Variants in BTG4 observed in about 807,000 individuals in gnomAD.
BTG4 encodes BTG anti-proliferation factor 4, also known as protein BTG4.
In BTG4, 10 loss-of-function variants were observed where a neutral mutation model predicts 19.3. The observed-to-expected ratio is 0.52, with a 90% confidence interval of 0.32 to 0.88. BTG4 has a LOEUF of 0.88. Ranked by LOEUF, BTG4 falls within the 40% of genes least tolerant of loss-of-function variation. The pLI is 0.04. For synonymous variants in BTG4, 91 were observed against 95.7 expected (o/e 0.95, Z 0.29); for missense variants, 238 against 281.9 (o/e 0.84, Z 1.11).
At chr11:111,461,207 G>T in the BTG4 span, among the ~76,000 whole-genome samples, 1 of 152,120 alleles carries the variant, frequency 6.6e-6, no homozygotes, top group East Asian at 1.9e-4. Context: ...TGTGATAAAA[G>T]GTATGTGATA....
intron 1 of BTG4, among the ~76,000 whole-genome samples, chr11:111,500,110 C>A (rs1172231612): frequency 6.6e-6 from 1 of 151,734 alleles, no homozygotes; most frequent in Non-Finnish European, 1.5e-5. Context: ...CCACTGCACT[C>A]CAGACTGGGT....
chr11:111,453,541 T>A, the BTG4 span: 1,986 of 456,592 alleles, frequency 4.3e-3, 30 homozygotes, highest in South Asian at 0.021. Context: ...GAGAGGCCGA[T>A]CTCACCAAGA....
rs1044746283 is a variant in BTG4 at position 111,495,257 on chromosome 11, C to T, written c.568G>A (p.Val190Met). ...AGGAGGCCAACACGGCCGTCCACCA[C>T]ATTCTTTTTGCGGGGGATTTGTAAC... is the stretch of plus-strand genomic sequence containing the variant. The part of the protein sequence containing the change: ...SWLQIPRKKN[V>M]VDGRVGLLGN... Residue 190 changes from valine to methionine, a missense_variant, in exon 5 of 5, where the codon GTG (valine) becomes ATG (methionine). Val to Met is a conservative substitution (Grantham distance 21). Transcript: ENST00000692032. 6.2e-7 allele frequency: 1 copy of T among 1,611,742 alleles called. No individual in the cohort carries two copies. Among genetic ancestry groups the T allele is most frequent in the East Asian group, 2.2e-5 (1 of 44,810 alleles).
chr11:111,454,433 G>A, the BTG4 span: 1 of 402,496 alleles, frequency 2.5e-6, no homozygotes, highest in Non-Finnish European at 4.8e-6. Flanking sequence ...CTCCTCTTCA[G>A]GAGAGTTGGT....
chr11:111,498,417 CTGT>C (rs1474343625), intron 2 of BTG4, among the ~76,000 whole-genome samples, 184 bp downstream of exon 2: 1 of 152,218 alleles, frequency 6.6e-6, no homozygotes, highest in African/African-American at 2.4e-5. Flanking sequence ...GGGCTTTGCT[CTGT>C]TGTTTCCAGC....
At chr11:111,386,222 A>G in the BTG4 span, 1 of 152,244 alleles carries the variant, frequency 6.6e-6, no homozygotes, top group Non-Finnish European at 1.5e-5. Context: ...TTTTTTGTAT[A>G]TAGGACACAA....
chr11:111,479,111 C>T (rs1431731685), intron 5 of BTG4, among the ~76,000 whole-genome samples: 4 of 152,036 alleles, frequency 2.6e-5, no homozygotes, highest in African/African-American at 9.7e-5. Flanking sequence ...ATCTTGAAAG[C>T]AGCCAGAGAA....
chr11:111,488,517 A>G (rs1465052044), intron 5 of BTG4, among the ~76,000 whole-genome samples: 1 of 152,188 alleles, frequency 6.6e-6, no homozygotes, highest in Middle Eastern at 3.2e-3. Flanking sequence ...CATTGGGAAC[A>G]TGTTCTAGAA....
At chr11:111,509,466 C>A (rs754139587) in intron 1 of BTG4, among the ~76,000 whole-genome samples, 1 of 151,946 alleles carries the variant, frequency 6.6e-6, no homozygotes, top group East Asian at 1.9e-4. Flanking sequence ...AAGGGGGGTG[C>A]GGTGGATCGC....
chr11:111,488,279 G>T (rs1865189225), intron 5 of BTG4, among the ~76,000 whole-genome samples: 1 of 152,132 alleles, frequency 6.6e-6, no homozygotes, highest in African/African-American at 2.4e-5. Context: ...GAACAGAATA[G>T]AAAACCCAGA....
At chr11:111,487,838 AC>A (rs1196806172) in intron 5 of BTG4, among the ~76,000 whole-genome samples, 31 of 152,322 alleles carry the variant, frequency 2.0e-4, no homozygotes, top group African/African-American at 7.5e-4. Flanking sequence ...TGAAAAAGAA[AC>A]CAAGAAGCTA....
upstream of BTG4, chr11:111,513,533 G>A (rs780377923): frequency 1.9e-6 from 1 of 523,856 alleles, no homozygotes. Context: ...TCGTCCAAAT[G>A]AGCTGCCTGT....
At chr11:111,482,929 A>G (rs147627485) in intron 5 of BTG4, among the ~76,000 whole-genome samples, 317 of 152,266 alleles carry the variant, frequency 2.1e-3, no homozygotes, top group Middle Eastern at 3.4e-3. Flanking sequence ...AATGAATTCG[A>G]CTTCATCAAA....
At chr11:111,459,849 GA>G in the BTG4 span, 1 of 152,500 alleles carries the variant, frequency 6.6e-6, no homozygotes, top group Non-Finnish European at 1.5e-5. Context: ...CTCTGGGAGA[GA>G]AAACCCCCTA....
chr11:111,392,466 C>A, the BTG4 span, among the ~76,000 whole-genome samples: 1 of 152,200 alleles, frequency 6.6e-6, no homozygotes, highest in Admixed American at 6.5e-5. Context: ...CATGAGCCAC[C>A]GTGGCTGGCC....
At chr11:111,424,376 G>A in the BTG4 span, among the ~76,000 whole-genome samples, 1 of 152,256 alleles carries the variant, frequency 6.6e-6, no homozygotes, top group South Asian at 2.1e-4. Context: ...ACCATGGGGT[G>A]AGAAAGGAGA....
At chr11:111,410,040 A>T in the BTG4 span, among the ~76,000 whole-genome samples, 2 of 152,194 alleles carry the variant, frequency 1.3e-5, no homozygotes, top group South Asian at 2.1e-4. Context: ...CCAAGTCCTA[A>T]GTTTTGCACT....
intron 5 of BTG4, among the ~76,000 whole-genome samples, chr11:111,467,992 A>C (rs1283487055): frequency 6.6e-6 from 1 of 152,216 alleles, no homozygotes; most frequent in East Asian, 1.9e-4. Context: ...TTTCTACAGA[A>C]AAGGATCTAA....
chr11:111,488,685 C>T (rs1319391128), intron 5 of BTG4, among the ~76,000 whole-genome samples: 1 of 152,122 alleles, frequency 6.6e-6, no homozygotes, highest in African/African-American at 2.4e-5. Flanking sequence ...AAGATATTTA[C>T]AAACTACCCA....
Sources: gnomAD v4.1 joint callset for allele counts (sites outside exome capture counted in the v4.1 genomes callset) on GRCh38, gnomAD v4.1.1 for gene constraint, MANE v1.5 for transcripts, NCBI Gene and HGNC (gene_info 2026-07-23, HGNC 2026-07-21) for gene names.